Variants in NRXN3 observed in about 807,000 individuals in gnomAD.
The protein encoded by NRXN3 is neurexin III.
A neutral mutation model predicts 137.6 loss-of-function variants in NRXN3; 32 were observed. That is an observed-to-expected ratio of 0.23 (90% CI 0.18 to 0.31). NRXN3 has a LOEUF of 0.31. Ranked by LOEUF, NRXN3 falls within the 10% of genes least tolerant of loss-of-function variation. NRXN3 has a pLI of 1.00. For synonymous variants in NRXN3, 798 were observed against 784.5 expected, an observed-to-expected ratio of 1.02 and a Z score of -0.29; for missense variants, 1,574 against 2,062.5, an observed-to-expected ratio of 0.76 and a Z score of 4.59.
intron 10 of NRXN3, among the ~76,000 whole-genome samples, chr14:78,873,943 A>T (rs560430659): frequency 6.6e-6 from 1 of 151,934 alleles, no homozygotes; most frequent in East Asian, 1.9e-4. Context: ...AGTCAAGATC[A>T]TAGGCACCAT....
At chr14:79,484,192 AC>A (rs1268879612) in intron 16 of NRXN3, among the ~76,000 whole-genome samples, 2 of 152,004 alleles carry the variant, frequency 1.3e-5, no homozygotes, top group Non-Finnish European at 2.9e-5. Context: ...CTTCCTTCCT[AC>A]ATTCCTGGGA....
At chr14:79,408,861 C>T (rs2095361924) in intron 15 of NRXN3, among the ~76,000 whole-genome samples, 1 of 151,998 alleles carries the variant, frequency 6.6e-6, no homozygotes, top group Admixed American at 6.6e-5. Context: ...ATAAGTCAAA[C>T]TTTCTTTGTT....
At chr14:78,483,170 T>G (rs546061782) in intron 4 of NRXN3, among the ~76,000 whole-genome samples, 74 of 152,286 alleles carry the variant, frequency 4.9e-4, no homozygotes, top group Middle Eastern at 3.4e-3. Flanking sequence ...AGACTTTGGC[T>G]TAAGCAAAAC....
intron 15 of NRXN3, among the ~76,000 whole-genome samples, chr14:79,261,656 C>T (rs554959516): frequency 8.9e-5 from 1 of 11,292 alleles, no homozygotes; most frequent in African/African-American, 3.5e-4. Flanking sequence ...GGGGTGGGGG[C>T]GGGGGGATGA....
chr14:79,808,286 AT>A (rs1157254532), intron 20 of NRXN3, among the ~76,000 whole-genome samples: 2 of 148,400 alleles, frequency 1.3e-5, no homozygotes, highest in Non-Finnish European at 3.0e-5. Flanking sequence ...GTATGTATGT[AT>A]GTATGTATCT....
intron 1 of NRXN3, among the ~76,000 whole-genome samples, chr14:78,215,856 G>A (rs1049464315): frequency 5.3e-5 from 8 of 151,900 alleles, no homozygotes; most frequent in African/African-American, 7.2e-5. Context: ...CTTTGACCCC[G>A]TTCCTGCTTC....
intron 4 of NRXN3, among the ~76,000 whole-genome samples, chr14:78,559,476 G>A (rs2096767813): frequency 1.3e-5 from 2 of 152,162 alleles, no homozygotes; most frequent in South Asian, 2.1e-4. Flanking sequence ...TGTGGTGTGT[G>A]GCCCTGAGCA....
chr14:78,385,286 A>T (rs1433742589), intron 4 of NRXN3, among the ~76,000 whole-genome samples: 1 of 118,882 alleles, frequency 8.4e-6, no homozygotes, highest in Non-Finnish European at 1.7e-5. Context: ...TCTGAACTTT[A>T]AGCAACACAC....
chr14:79,542,451 CTTAA>C (rs2097282526), intron 16 of NRXN3, among the ~76,000 whole-genome samples: 1 of 152,166 alleles, frequency 6.6e-6, no homozygotes, highest in African/African-American at 2.4e-5. Context: ...CTTCTCTAGA[CTTAA>C]ATTACTTCTG....
At chr14:78,178,696 T>G (rs747727254) in intron 1 of NRXN3, among the ~76,000 whole-genome samples, 60 of 152,164 alleles carry the variant, frequency 3.9e-4, no homozygotes, top group Non-Finnish European at 6.6e-4. Context: ...CTGCTATTTT[T>G]CACTTAGGTG....
chr14:79,104,156 T>A (rs1035548876), intron 15 of NRXN3, among the ~76,000 whole-genome samples: 2 of 152,200 alleles, frequency 1.3e-5, no homozygotes, highest in African/African-American at 4.8e-5. Flanking sequence ...GTTCCTTCTA[T>A]GCCATAGCAC....
At chr14:79,566,045 G>A (rs1015117575) in intron 16 of NRXN3, among the ~76,000 whole-genome samples, 15 of 151,988 alleles carry the variant, frequency 9.9e-5, no homozygotes, top group Non-Finnish European at 8.8e-5. Flanking sequence ...TTTTTCTGGG[G>A]GGCAGGAGAC....
chr14:78,663,757 C>A (rs1457155098), intron 6 of NRXN3, among the ~76,000 whole-genome samples: 1 of 151,846 alleles, frequency 6.6e-6, no homozygotes, highest in Non-Finnish European at 1.5e-5. Flanking sequence ...TCATTGCTTT[C>A]TAAAAATGTC....
At chr14:78,664,876 A>G (rs1200653982) in intron 6 of NRXN3, among the ~76,000 whole-genome samples, 1 of 152,258 alleles carries the variant, frequency 6.6e-6, no homozygotes, top group Non-Finnish European at 1.5e-5. Flanking sequence ...ATATTCTTCA[A>G]TAAATTAATA....
At chr14:79,499,626 AG>A (rs1439770038) in intron 16 of NRXN3, among the ~76,000 whole-genome samples, 3 of 152,234 alleles carry the variant, frequency 2.0e-5, no homozygotes, top group Non-Finnish European at 4.4e-5. Context: ...CCTGGCTCAT[AG>A]TGAACCCTTC....
chr14:78,201,095 T>C (rs2153394039), intron 1 of NRXN3, among the ~76,000 whole-genome samples: 1 of 152,296 alleles, frequency 6.6e-6, no homozygotes, highest in East Asian at 1.9e-4. Flanking sequence ...GAAGCAGAAG[T>C]GTTGACACTG....
rs1286283797 is a variant in NRXN3 at position 79,864,774 on chromosome 14, CAG to C, written c.*2813_*2814del. Reference sequence around the variant, plus strand: ...TTTTTTGTTTGTTTTTTTTTTGAGACAGAGTCTCGCTCTGTCGCCCGGGCTGG... The same window carrying C: ...TTTTTTGTTTGTTTTTTTTTTGAGACAGTCTCGCTCTGTCGCCCGGGCTGG... On this transcript the variant is annotated 3_prime_UTR_variant, in exon 21 of 21. Transcript: ENST00000335750. The C allele has an allele frequency of 4.6e-5, 7 of 151,246 alleles. No individual in the cohort carries two copies. The highest frequency in any genetic ancestry group is 1.7e-4 in the African/African-American group (7 of 41,088). 9.4% of individuals were successfully genotyped at this position (151,246 alleles called of 1,614,324 possible).
rs148272777 is a variant in NRXN3, at chr14:78,679,114, G to A, written c.1221+27788G>A. On this transcript the variant is annotated intron_variant, in intron 6 of 20. Transcript: ENST00000335750. ...AACAGGAAATAAAGGCACAAAAATT[G>A]TTATAAATGATTGTTTTCATAGAAA... 8.2e-3 allele frequency among the ~76,000 whole-genome samples: 1,252 copies of A among 152,198 alleles called. 12 individuals carry two copies. The highest frequency in any genetic ancestry group is 0.01 in the Middle Eastern group (3 of 294).
chr14:78,540,135 G>A (rs1051572498), intron 4 of NRXN3, among the ~76,000 whole-genome samples: 1 of 152,190 alleles, frequency 6.6e-6, no homozygotes, highest in African/African-American at 2.4e-5. Flanking sequence ...GCTTGTTGCA[G>A]AGCTGAGTTC....
Sources: gnomAD v4.1 joint callset for allele counts (sites outside exome capture counted in the v4.1 genomes callset) on GRCh38, gnomAD v4.1.1 for gene constraint, MANE v1.5 for transcripts, NCBI Gene and HGNC (gene_info 2026-07-23, HGNC 2026-07-21) for gene names.